Variants in GOT1 observed in about 807,000 individuals in gnomAD.
GOT1 encodes glutamic-oxaloacetic transaminase 1, also known as aspartate aminotransferase, cytoplasmic.
GOT1 carries 25 observed loss-of-function variants against 48.2 expected under a neutral mutation model. The observed-to-expected ratio is 0.52, with a 90% CI of 0.38 to 0.72. The LOEUF (loss-of-function observed/expected upper bound fraction) is 0.72, where lower values mean the gene tolerates loss of function less well. Among genes scored for constraint, GOT1 ranks in the 30% least tolerant of loss-of-function variants. The pLI, the probability that GOT1 is intolerant of heterozygous loss-of-function variation, is 0.00. For synonymous variants in GOT1, 188 were observed against 193.8 expected, an observed-to-expected ratio of 0.97 and a Z score of 0.25; for missense variants, 380 against 520.1, an observed-to-expected ratio of 0.73 and a Z score of 2.62.
Position 99,397,570 on chromosome 10 carries a change from C to T in GOT1, c.1219G>A (p.Glu407Lys). The T allele has an allele frequency of 6.2e-7, 1 of 1,614,116 alleles. No individual in the cohort carries two copies. Among genetic ancestry groups the T allele is most frequent in the Non-Finnish European group, 8.5e-7 (1 of 1,180,016 alleles). Reference protein sequence around the residue: ...NLDYVATSIHEAVTKIQ With the variant: ...NLDYVATSIHKAVTKIQ ...CTTCACTGGATTTTGGTGACTGCTTCATGGATGGAGGTGGCCACGTAATCT... is the reference window on the plus strand; with the variant it reads ...CTTCACTGGATTTTGGTGACTGCTTTATGGATGGAGGTGGCCACGTAATCT... The change falls in exon 9 of 9, where the codon GAA (glutamate) becomes AAA (lysine). Residue 407 changes from glutamate to lysine, a missense_variant. Coordinates refer to ENST00000370508, the MANE Select transcript of GOT1 (RefSeq NM_002079.3). This position sits in a 1 kb window ranked among gnomAD's most constrained non-coding sequence, Gnocchi z 5.4.
At chr10:99,404,372 C>G (rs1057324201) in intron 5 of GOT1, among the ~76,000 whole-genome samples, 5 of 152,184 alleles carry the variant, frequency 3.3e-5, no homozygotes, top group African/African-American at 1.2e-4. Flanking sequence ...ACTTCCCTCC[C>G]CGGAACTGTC....
chr10:99,417,758 T>C (rs1451387346), intron 2 of GOT1, among the ~76,000 whole-genome samples: 1 of 152,146 alleles, frequency 6.6e-6, no homozygotes, highest in East Asian at 1.9e-4. Flanking sequence ...TGTAGGGACA[T>C]GGATGAAGCT....
At chr10:99,416,671 T>C (rs1354847684) in intron 2 of GOT1, among the ~76,000 whole-genome samples, 4 of 152,158 alleles carry the variant, frequency 2.6e-5, no homozygotes, top group African/African-American at 9.7e-5. Context: ...CTACTTGACT[T>C]CAAACTACAC....
chr10:99,427,413 C>A (rs962946578), intron 1 of GOT1, among the ~76,000 whole-genome samples: 1 of 152,166 alleles, frequency 6.6e-6, no homozygotes, highest in African/African-American at 2.4e-5. Context: ...GGACTGCAGG[C>A]GCCCGCCACC....
At chr10:99,429,350 C>CTTTT (rs71488890) in intron 1 of GOT1, among the ~76,000 whole-genome samples, 3 of 140,840 alleles carry the variant, frequency 2.1e-5, no homozygotes, top group African/African-American at 5.2e-5. Context: ...GCCCGGCCGA[C>CTTTT]TTTTTTTTTT....
Position 99,403,870 on chromosome 10 carries a change from C to G in GOT1, c.647G>C (p.Arg216Pro). 6.2e-7 allele frequency: 1 copy of G among 1,613,426 alleles called. No homozygotes were observed. The highest frequency in any genetic ancestry group is 8.5e-7 in the Non-Finnish European group (1 of 1,180,010). The change falls in exon 6 of 9, where the codon CGG (arginine) becomes CCG (proline). Residue 216 changes from arginine to proline, a missense_variant. Physicochemically the swap from Arg to Pro is moderately radical, Grantham distance 103. Coordinates refer to ENST00000370508, the MANE Select transcript of GOT1 (RefSeq NM_002079.3). Reference protein sequence around the residue: ...WKQIASVMKHRFLFPFFDSAY... With the variant: ...WKQIASVMKHPFLFPFFDSAY... ...TGAGTCAAAGAAGGGGAACAGAAACCGGTGCTGCGGGGAAGCAAAGTGAGT... is the reference window on the plus strand; with the variant it reads ...TGAGTCAAAGAAGGGGAACAGAAACGGGTGCTGCGGGGAAGCAAAGTGAGT...
rs755345377 is a variant in GOT1, at chr10:99,430,554, C to G, written c.12G>C (p.Pro4=). The G allele has an allele frequency of 1.8e-5, 29 of 1,602,990 alleles. No homozygotes were observed. In the Admixed American group the frequency reaches 5.0e-4, roughly 27 times the overall value. The change falls in exon 1 of 9, where the codon CCG becomes CCC. Residue 4 remains proline (P), a synonymous_variant. Transcript: ENST00000370508. ...CCTGCGGAACCTCGGCAAAGACTGACGGAGGTGCCATATCGAGAGACTAGG... is the reference window on the plus strand; with the variant it reads ...CCTGCGGAACCTCGGCAAAGACTGAGGGAGGTGCCATATCGAGAGACTAGG... MAP[P]SVFAEVPQAQ...
intron 5 of GOT1, 149 bp downstream of exon 5, chr10:99,405,607 A>G (rs1384862485): frequency 1.7e-6 from 1 of 586,768 alleles, no homozygotes; most frequent in East Asian, 2.9e-5. Context: ...TTCTTTAGGT[A>G]ATAAAATTTA....
In GOT1 at chr10:99,397,760, G is replaced by T; in HGVS notation, c.1103-74C>A. 7.3e-7 allele frequency: 1 copy of T among 1,373,168 alleles called. No individual in the cohort carries two copies. The highest frequency in any genetic ancestry group is 1.0e-6 in the Non-Finnish European group (1 of 968,102). The allele number at this position is 1,373,168 out of a possible 1,614,324, so 85.1% of individuals were successfully genotyped here. A position where few individuals can be genotyped will look rare whatever the true frequency, so the allele number is the denominator to read the frequency against. On this transcript the variant is annotated intron_variant, in intron 8 of 8. Transcript: ENST00000370508. The surrounding 1 kb of genome is among the most constrained non-coding windows in gnomAD (Gnocchi z 5.4). ...AGCAGTGGAGGCTCAGCAATTATAT[G>T]ACAATTACAGCTTTACTTCTTTCCC...
chr10:99,423,983 T>C (rs753740534), intron 1 of GOT1, among the ~76,000 whole-genome samples: 18 of 152,112 alleles, frequency 1.2e-4, no homozygotes, highest in Non-Finnish European at 2.4e-4. Context: ...ATACCATTCA[T>C]GATATACCCC....
intron 2 of GOT1, among the ~76,000 whole-genome samples, chr10:99,413,745 G>A (rs549721195): frequency 2.6e-5 from 4 of 152,332 alleles, no homozygotes; most frequent in South Asian, 4.1e-4. Context: ...TGATCTCTCA[G>A]CAGAAACTCT....
At chr10:99,407,432 A>ATTTTTTT (rs397943359) in intron 2 of GOT1, among the ~76,000 whole-genome samples, 1 of 140,390 alleles carries the variant, frequency 7.1e-6, no homozygotes, top group Non-Finnish European at 1.6e-5. Flanking sequence ...GCTTCCTCTC[A>ATTTTTTT]TTTTTTTTTT....
chr10:99,404,828 A>G (rs146898794), intron 5 of GOT1, among the ~76,000 whole-genome samples: 5 of 152,142 alleles, frequency 3.3e-5, no homozygotes, highest in Admixed American at 1.3e-4. Flanking sequence ...ACTCCCCATG[A>G]TGTCTGCCTG....
chr10:99,405,495 T>C (rs539412898), intron 5 of GOT1, among the ~76,000 whole-genome samples: 5 of 149,930 alleles, frequency 3.3e-5, no homozygotes, highest in African/African-American at 1.2e-4. Flanking sequence ...TGATCTCATC[T>C]TTGTAAAACA....
At chr10:99,401,817 T>C (rs2032682780) in intron 8 of GOT1, among the ~76,000 whole-genome samples, 1 of 150,820 alleles carries the variant, frequency 6.6e-6, no homozygotes, top group Non-Finnish European at 1.5e-5. Context: ...GTTCTTTTCT[T>C]TTTTTTTTGA....
intron 2 of GOT1, 127 bp downstream of exon 2, chr10:99,420,497 G>A (rs2032952001): frequency 4.3e-6 from 3 of 702,892 alleles, no homozygotes; most frequent in South Asian, 4.0e-5. Context: ...CTGAACTCGC[G>A]CTACAGAAAC....
intron 1 of GOT1, among the ~76,000 whole-genome samples, chr10:99,425,835 C>A (rs2033031233): frequency 1.3e-5 from 2 of 152,002 alleles, no homozygotes; most frequent in African/African-American, 2.4e-5. Flanking sequence ...AGGATGTGTC[C>A]ACTGTAGGCC....
intron 1 of GOT1, chr10:99,430,157 G>A (rs1422572917): frequency 6.0e-6 from 4 of 665,572 alleles, no homozygotes; most frequent in Non-Finnish European, 7.7e-6. Flanking sequence ...TTCTTAGGAG[G>A]ATGCAGTATA....
intron 2 of GOT1, among the ~76,000 whole-genome samples, chr10:99,414,656 C>T (rs2032871176): frequency 6.6e-6 from 1 of 152,114 alleles, no homozygotes; most frequent in African/African-American, 2.4e-5. Context: ...CAGCACCACA[C>T]CACACTTATT....
Sources: allele counts gnomAD v4.1 joint callset (sites outside exome capture counted in the v4.1 genomes callset), GRCh38; gene constraint gnomAD v4.1.1; non-coding constraint Gnocchi (gnomAD v3.1); transcripts MANE v1.5; gene names NCBI Gene and HGNC (gene_info 2026-07-23, HGNC 2026-07-21).